The following CNTN5 variants were observed in gnomAD, a reference collection of about 807,000 sequenced individuals.
The protein encoded by CNTN5 is contactin-5.
In CNTN5, 77 loss-of-function variants were observed where a neutral mutation model predicts 129.1. The ratio of observed to expected loss-of-function variants is 0.60; its 90% CI spans 0.50 to 0.72. CNTN5 has a LOEUF of 0.72. Among genes scored for constraint, CNTN5 ranks in the 30% least tolerant of loss-of-function variants. The probability of loss-of-function intolerance (pLI) is 0.00; values close to 1 mark genes in which losing one functional copy is unlikely to be tolerated. For missense variants in CNTN5, 1,478 were observed against 1,328.8 expected (o/e 1.11, Z -1.75); for synonymous variants, 509 against 465.6 (o/e 1.09, Z -1.20).
chr11:99,665,406 T>G (rs569276836), intron 3 of CNTN5, among the ~76,000 whole-genome samples: 1 of 151,916 alleles, frequency 6.6e-6, no homozygotes, highest in Non-Finnish European at 1.5e-5. Context: ...AAATACACAT[T>G]AATGATACTA....
intron 9 of CNTN5, among the ~76,000 whole-genome samples, chr11:100,004,673 T>C (rs1325919588): frequency 1.3e-5 from 2 of 152,134 alleles, no homozygotes; most frequent in East Asian, 3.9e-4. Flanking sequence ...AACCAAGACA[T>C]GTATAAACTC....
At chr11:99,426,335 G>A (rs564347706) in intron 2 of CNTN5, among the ~76,000 whole-genome samples, 2 of 152,118 alleles carry the variant, frequency 1.3e-5, no homozygotes, top group Admixed American at 1.3e-4. Flanking sequence ...TATCCAAAGT[G>A]GTAATACAAA....
chr11:100,285,778 C>T (rs1018798891), intron 18 of CNTN5, among the ~76,000 whole-genome samples: 7 of 152,200 alleles, frequency 4.6e-5, no homozygotes, highest in East Asian at 1.9e-4. Flanking sequence ...AGGAACAGCT[C>T]CGGTCTACAG....
At chr11:99,750,189 A>G (rs1337231774) in intron 3 of CNTN5, among the ~76,000 whole-genome samples, 1 of 152,156 alleles carries the variant, frequency 6.6e-6, no homozygotes, top group Non-Finnish European at 1.5e-5. Flanking sequence ...TTATGTGTAA[A>G]TCTACATTAA....
chr11:99,971,599 C>G (rs1322582171), intron 8 of CNTN5, among the ~76,000 whole-genome samples: 2 of 151,746 alleles, frequency 1.3e-5, no homozygotes, highest in East Asian at 3.9e-4. Context: ...TCAACAAATG[C>G]CAGCCCTAAC....
intron 13 of CNTN5, among the ~76,000 whole-genome samples, chr11:100,140,680 C>G (rs1038035409): frequency 4.0e-5 from 6 of 151,840 alleles, no homozygotes; most frequent in Non-Finnish European, 8.8e-5. Context: ...AACTGAGAAG[C>G]CAGAGAAGTA....
At position 99,355,357 on chromosome 11, in the gene CNTN5, T is replaced by A. The variant is rs1011690755; in HGVS notation, c.-71+29873T>A. On this transcript the variant is annotated intron_variant, in intron 2 of 24. Transcript: ENST00000524871. Reference sequence around the variant, plus strand: ...AGTAAATATATATTGAAATAAATCATTAATTAAAGCATAATAAAATGGACC... The same window carrying A: ...AGTAAATATATATTGAAATAAATCAATAATTAAAGCATAATAAAATGGACC... Among the ~76,000 whole-genome samples the A allele has an allele frequency of 9.2e-5, 14 of 152,288 alleles. 1 individual carries two copies. The East Asian group carries it at 2.5e-3, about 27-fold the overall frequency.
At chr11:99,829,686 T>G (rs1327813229) in intron 4 of CNTN5, among the ~76,000 whole-genome samples, 1 of 152,202 alleles carries the variant, frequency 6.6e-6, no homozygotes, top group Admixed American at 6.5e-5. Context: ...AGAGGTATAA[T>G]GTGGTTTAAA....
At chr11:99,701,212 A>G (rs1476938431) in intron 3 of CNTN5, among the ~76,000 whole-genome samples, 1 of 151,320 alleles carries the variant, frequency 6.6e-6, no homozygotes, top group Non-Finnish European at 1.5e-5. Context: ...AACAACAGAT[A>G]AAGAATGCAA....
At position 99,219,663 on chromosome 11, in the gene CNTN5, T is replaced by TAAA. The variant is rs11403866; in HGVS notation, c.-209-105671_-209-105669dup. On this transcript the variant is annotated intron_variant, in intron 1 of 24. Coordinates refer to ENST00000524871, the MANE Select transcript of CNTN5 (RefSeq NM_014361.4). ...TTTTTTGTCTTACTTTGAGTAAGAT[T>TAAA]AAAAAAAAAAAAAACTATTGCAGGA... Among the ~76,000 whole-genome samples, 8 of 144,610 alleles carry TAAA rather than the reference T, an allele frequency of 5.5e-5. No homozygotes were observed. In the South Asian group the frequency reaches 6.6e-4, roughly 12 times the overall value. The allele number at this position is 144,610 out of a possible 152,430, so 94.9% of individuals were successfully genotyped here. A position where few individuals can be genotyped will look rare whatever the true frequency, so the allele number is the denominator to read the frequency against.
rs765201536 is a variant in CNTN5 at position 100,299,185 on chromosome 11, T to C, written c.2409T>C (p.Asn803=). The change falls in exon 20 of 25, where the codon AAT becomes AAC. Residue 803 remains asparagine (N), a synonymous_variant. Transcript: ENST00000524871. The stretch of plus-strand genomic sequence containing the variant: ...AGCCAGTATCTGAAGAGTTTCAGAA[T>C]GGGGAAGGCTTCGGCTATATTGTGG... The part of the protein sequence containing the change: ...AWEPVSEEFQ[N]GEGFGYIVAF... 6.2e-6 allele frequency: 10 copies of C among 1,606,664 alleles called. No individual in the cohort carries two copies. Among genetic ancestry groups the C allele is most frequent in the Middle Eastern group, 1.7e-4 (1 of 6,038 alleles).
intron 3 of CNTN5, among the ~76,000 whole-genome samples, chr11:99,733,047 C>T (rs115568163): frequency 3.3e-5 from 5 of 152,020 alleles, no homozygotes; most frequent in African/African-American, 7.3e-5. Context: ...AGTCCTTGGC[C>T]GGGCGCGGTG....
intron 1 of CNTN5, among the ~76,000 whole-genome samples, chr11:99,118,502 T>C (rs1273724409): frequency 6.6e-6 from 1 of 152,182 alleles, no homozygotes; most frequent in African/African-American, 2.4e-5. Context: ...GTGCTTCCAT[T>C]GGTTTATTCA....
At chr11:99,953,080 A>T (rs968316957) in intron 7 of CNTN5, among the ~76,000 whole-genome samples, 5 of 152,218 alleles carry the variant, frequency 3.3e-5, no homozygotes, top group Admixed American at 1.3e-4. Context: ...AGAATGTTGA[A>T]TCACTGTGAT....
At chr11:100,300,733 T>C (rs757742568) in intron 20 of CNTN5, among the ~76,000 whole-genome samples, 8 of 151,548 alleles carry the variant, frequency 5.3e-5, no homozygotes, top group Non-Finnish European at 1.2e-4. Flanking sequence ...AGCATAAGAA[T>C]AACCAGGGAA....
chr11:99,622,613 AAGCAT>A (rs1192001565), intron 3 of CNTN5, among the ~76,000 whole-genome samples: 2 of 152,138 alleles, frequency 1.3e-5, no homozygotes, highest in Non-Finnish European at 2.9e-5. Context: ...AGGAAGATTT[AAGCAT>A]AGATGCTGAG....
At chr11:99,290,946 T>G (rs1864148281) in intron 1 of CNTN5, among the ~76,000 whole-genome samples, 1 of 151,892 alleles carries the variant, frequency 6.6e-6, no homozygotes, top group South Asian at 2.1e-4. Context: ...GTACTTGATA[T>G]TCTATCTAAT....
At chr11:99,223,206 T>A (rs142120525) in intron 1 of CNTN5, among the ~76,000 whole-genome samples, 1 of 152,288 alleles carries the variant, frequency 6.6e-6, no homozygotes, top group Non-Finnish European at 1.5e-5. Flanking sequence ...CTGTCCTACC[T>A]ATCTGTGTAC....
At chr11:100,114,421 TAA>T (rs1945770093) in intron 13 of CNTN5, among the ~76,000 whole-genome samples, 1 of 152,176 alleles carries the variant, frequency 6.6e-6, no homozygotes, top group South Asian at 2.1e-4. Context: ...GGAAGAACTT[TAA>T]AAGATTTTCA....
Sources: allele counts gnomAD v4.1 joint callset (sites outside exome capture counted in the v4.1 genomes callset), GRCh38; gene constraint gnomAD v4.1.1; transcripts MANE v1.5; gene names NCBI Gene and HGNC (gene_info 2026-07-23, HGNC 2026-07-21).